ANXA13: variants seen among roughly 807,000 people sequenced by gnomAD.
ANXA13 encodes the protein annexin A13.
In ANXA13, 36 loss-of-function variants were observed where a neutral mutation model predicts 46.6. That is an observed-to-expected ratio of 0.77 (90% CI 0.59 to 1.02). ANXA13 has a LOEUF of 1.02. ANXA13 is among the 50% of genes least tolerant of loss of function. The pLI, the probability that ANXA13 is intolerant of heterozygous loss-of-function variation, is 0.00. For missense variants in ANXA13, 417 were observed against 396.5 expected, an observed-to-expected ratio of 1.05 and a Z score of -0.44; for synonymous variants, 163 against 152.9, an observed-to-expected ratio of 1.07 and a Z score of -0.49.
chr8:123,723,890 TA>T (rs1262316185), intron 1 of ANXA13, among the ~76,000 whole-genome samples: 1 of 152,222 alleles, frequency 6.6e-6, no homozygotes, highest in Non-Finnish European at 1.5e-5. Flanking sequence ...AGGTACTTGG[TA>T]AATGTTATCT....
intron 1 of ANXA13, among the ~76,000 whole-genome samples, chr8:123,733,445 T>G (rs114415908): frequency 3.3e-5 from 5 of 152,320 alleles, no homozygotes; most frequent in African/African-American, 1.2e-4. Context: ...GTCATGCAGC[T>G]TTCAGATGTT....
At chr8:123,697,799 G>A (rs537869820) in intron 4 of ANXA13, among the ~76,000 whole-genome samples, 17 of 152,342 alleles carry the variant, frequency 1.1e-4, no homozygotes, top group Middle Eastern at 3.4e-3. Context: ...TCTGGAGCCA[G>A]AGACAAATAG....
chr8:123,731,520 C>T (rs186414081), intron 1 of ANXA13, among the ~76,000 whole-genome samples: 1 of 152,206 alleles, frequency 6.6e-6, no homozygotes, highest in Non-Finnish European at 1.5e-5. Context: ...TATAGGTGAA[C>T]AAAATACAAT....
chr8:123,720,657 C>CGTGTGT (rs34135339), intron 1 of ANXA13, among the ~76,000 whole-genome samples: 4,721 of 141,446 alleles, frequency 0.033, 139 homozygotes, highest in East Asian at 0.14. Flanking sequence ...CCTGTGTCCC[C>CGTGTGT]GTGTGTGTGT....
At chr8:123,703,748 T>TG (rs1813490718) in intron 2 of ANXA13, among the ~76,000 whole-genome samples, 1 of 152,190 alleles carries the variant, frequency 6.6e-6, no homozygotes, top group Admixed American at 6.5e-5. Context: ...TTTTTACCCC[T>TG]GATGCTCAAA....
At position 123,709,733 on chromosome 8, in the gene ANXA13, C is replaced by G. The variant is rs149176592; in HGVS notation, c.91+2945G>C. 3.8e-3 allele frequency among the ~76,000 whole-genome samples: 585 copies of G among 152,292 alleles called. 1 individual carries two copies. The highest frequency in any genetic ancestry group is 6.7e-3 in the Non-Finnish European group (456 of 68,038). On this transcript the variant is annotated intron_variant, in intron 2 of 10. Coordinates refer to ENST00000419625, the MANE Select transcript of ANXA13 (RefSeq NM_004306.4). ...ACATTTCTTGGGCAAGGCTACCATT[C>G]TATGGCTAGATAAGTTTCATATATG...
intron 1 of ANXA13, among the ~76,000 whole-genome samples, chr8:123,719,733 T>C (rs1586334614): frequency 1.3e-5 from 2 of 152,304 alleles, no homozygotes; most frequent in African/African-American, 4.8e-5. Flanking sequence ...GCTAACATGA[T>C]TGCATCTAAT....
intron 1 of ANXA13, among the ~76,000 whole-genome samples, chr8:123,722,382 G>GAAAGAAAGAAAGAAAGAA (rs1316103645): frequency 1.6e-5 from 2 of 126,252 alleles, no homozygotes; most frequent in African/African-American, 5.7e-5. Context: ...AAGAAAGAAA[G>GAAAGAAAGAAAGAAAGAA]AAAGAAAGAA....
At chr8:123,695,414 A>G (rs1374792752) in intron 6 of ANXA13, 88 bp downstream of exon 6, 1 of 963,128 alleles carries the variant, frequency 1.0e-6, no homozygotes, top group South Asian at 1.4e-5. Context: ...AGAAATGTTT[A>G]TCTACGTTAC....
chr8:123,709,395 CCTCT>C (rs1813611213), intron 2 of ANXA13, among the ~76,000 whole-genome samples: 1 of 151,602 alleles, frequency 6.6e-6, no homozygotes, highest in South Asian at 2.1e-4. Flanking sequence ...TCTCTCCCTC[CCTCT>C]CTCTTCTCTC....
intron 2 of ANXA13, among the ~76,000 whole-genome samples, chr8:123,707,264 G>A (rs1458758538): frequency 6.6e-6 from 1 of 152,304 alleles, no homozygotes; most frequent in Non-Finnish European, 1.5e-5. Context: ...TCTCTGAAGT[G>A]GTTTAAGTTG....
At chr8:123,689,738 T>C (rs1012333033) in intron 8 of ANXA13, among the ~76,000 whole-genome samples, 1 of 152,152 alleles carries the variant, frequency 6.6e-6, no homozygotes, top group African/African-American at 2.4e-5. Context: ...GGCAGGCACA[T>C]AAAGAGAAAG....
At position 123,712,732 on chromosome 8, in the gene ANXA13, C is replaced by A. The variant is rs1813683168; in HGVS notation, c.37G>T (p.Gly13Cys). ...TTGGCATCTCGATCCACATCAAAAC[C>A]CTGAGGACTGCTCGCTTTAGCCTGG... Reference protein sequence around the residue: ...NRHAKASSPQGFDVDRDAKKL... With the variant: ...NRHAKASSPQCFDVDRDAKKL... Residue 13 changes from glycine (G) to cysteine (C), a missense_variant, in exon 2 of 11, where the codon GGT (glycine) becomes TGT (cysteine). Physicochemically the swap from Gly to Cys is radical, Grantham distance 159 (BLOSUM62 -3). Coordinates refer to ENST00000419625, the MANE Select transcript of ANXA13 (RefSeq NM_004306.4). The A allele has an allele frequency of 6.2e-7, 1 of 1,614,160 alleles. No individual in the cohort carries two copies. Among genetic ancestry groups the A allele is most frequent in the Non-Finnish European group, 8.5e-7 (1 of 1,180,020 alleles).
chr8:123,732,675 T>G (rs997432178), intron 1 of ANXA13, among the ~76,000 whole-genome samples: 86 of 151,904 alleles, frequency 5.7e-4, no homozygotes, highest in Non-Finnish European at 8.4e-4. Flanking sequence ...CTGGTTTGTT[T>G]TTTTTTTTTG....
chr8:123,731,333 G>C (rs1814113514), intron 1 of ANXA13, among the ~76,000 whole-genome samples: 1 of 152,150 alleles, frequency 6.6e-6, no homozygotes, highest in African/African-American at 2.4e-5. Flanking sequence ...AGACGCCAGG[G>C]CCTTGCGCAT....
rs1476169619 is a variant in ANXA13 at position 123,688,874 on chromosome 8, G to A, written c.715C>T (p.Leu239Phe). The change falls in exon 9 of 11, where the codon CTC becomes TTC. Residue 239 changes from leucine (L) to phenylalanine (F), a missense_variant. Transcript: ENST00000419625. The part of the protein sequence containing the change: ...SGDLQKAYLT[L>F]VRCAQDCEDY... Reference sequence around the variant, plus strand: ...AGCTCTCCTAACTTTACTTTACCGAGAGTTAAATAGGCCTTCTGCAAGTCG... The same window carrying A: ...AGCTCTCCTAACTTTACTTTACCGAAAGTTAAATAGGCCTTCTGCAAGTCG... 6.2e-7 allele frequency: 1 copy of A among 1,613,604 alleles called. No individual in the cohort carries two copies. The highest frequency in any genetic ancestry group is 1.3e-5 in the African/African-American group (1 of 74,902).
chr8:123,720,657 C>CGT (rs34135339), intron 1 of ANXA13, among the ~76,000 whole-genome samples: 22,962 of 141,222 alleles, frequency 0.16, 1,828 homozygotes, highest in Admixed American at 0.19. Context: ...CCTGTGTCCC[C>CGT]GTGTGTGTGT....
intron 1 of ANXA13, among the ~76,000 whole-genome samples, chr8:123,733,186 CTTAT>C (rs1814160707): frequency 6.7e-6 from 1 of 149,234 alleles, no homozygotes; most frequent in Admixed American, 6.8e-5. Flanking sequence ...ATTTCCTAAT[CTTAT>C]TTATTTAAGA....
chr8:123,693,438 C>G (rs1813276862), intron 7 of ANXA13, 140 bp from the exon 8 acceptor site: 1 of 760,152 alleles, frequency 1.3e-6, no homozygotes, highest in Non-Finnish European at 2.2e-6. Context: ...CTTTCAGCTT[C>G]TAACCCACAA....
Sources: allele counts gnomAD v4.1 joint callset (sites outside exome capture counted in the v4.1 genomes callset), GRCh38; gene constraint gnomAD v4.1.1; transcripts MANE v1.5; gene names NCBI Gene and HGNC (gene_info 2026-07-23, HGNC 2026-07-21).